Variants in KCND2 observed in about 807,000 individuals in gnomAD.
KCND2 encodes the protein A-type voltage-gated potassium channel KCND2.
KCND2 carries 16 observed loss-of-function variants against 54.4 expected under a neutral mutation model. The ratio of observed to expected loss-of-function variants is 0.29; its 90% CI spans 0.20 to 0.45. The LOEUF (loss-of-function observed/expected upper bound fraction) is 0.45, where lower values mean the gene tolerates loss of function less well. Ranked by LOEUF, KCND2 falls within the 20% of genes least tolerant of loss-of-function variation. The pLI, the probability that KCND2 is intolerant of heterozygous loss-of-function variation, is 1.00. For missense variants in KCND2, 486 were observed against 824.2 expected, an observed-to-expected ratio of 0.59 and a Z score of 5.02; for synonymous variants, 317 against 310.7, an observed-to-expected ratio of 1.02 and a Z score of -0.21.
In KCND2 at chr7:120,489,468, T is replaced by G. The variant is rs1490032542; in HGVS notation, c.1115+213721T>G. ...GTTAAGCCACAACTTCTAACTGAAA[T>G]AAAAGTCATCATAATATGCTCTAAA... On this transcript the variant is annotated intron_variant, in intron 1 of 5. Transcript: ENST00000331113. 2.0e-5 allele frequency among the ~76,000 whole-genome samples: 3 copies of G among 152,324 alleles called. No individual in the cohort carries two copies. In the East Asian group the frequency reaches 5.8e-4, roughly 29 times the overall value.
intron 1 of KCND2, among the ~76,000 whole-genome samples, chr7:120,304,190 G>C (rs1799620064): frequency 6.6e-6 from 1 of 152,062 alleles, no homozygotes; most frequent in Admixed American, 6.6e-5. Flanking sequence ...TTCTTTTTTA[G>C]CATGTCTTAT....
At chr7:120,445,582 TA>T (rs1316768972) in intron 1 of KCND2, among the ~76,000 whole-genome samples, 2 of 152,258 alleles carry the variant, frequency 1.3e-5, no homozygotes, top group East Asian at 3.9e-4. Flanking sequence ...TAAATTAATT[TA>T]AAACACTTTT....
intron 1 of KCND2, among the ~76,000 whole-genome samples, chr7:120,613,480 G>A (rs745533652): frequency 3.3e-5 from 5 of 152,146 alleles, no homozygotes; most frequent in Non-Finnish European, 5.9e-5. Context: ...GCTGTGGGCC[G>A]AGATTGCGCC....
intron 1 of KCND2, among the ~76,000 whole-genome samples, chr7:120,387,538 C>T (rs1247438075): frequency 6.6e-6 from 1 of 152,026 alleles, no homozygotes; most frequent in Admixed American, 6.6e-5. Context: ...CCTCATAGCT[C>T]TACCCCTGTG....
At chr7:120,649,392 A>G (rs558421215) in intron 1 of KCND2, among the ~76,000 whole-genome samples, 1 of 152,182 alleles carries the variant, frequency 6.6e-6, no homozygotes, top group Non-Finnish European at 1.5e-5. Context: ...TCAAAAGATA[A>G]ACAACAGAAG....
intron 1 of KCND2, among the ~76,000 whole-genome samples, chr7:120,608,675 G>A (rs554918029): frequency 2.6e-5 from 4 of 152,136 alleles, no homozygotes; most frequent in Admixed American, 6.6e-5. Context: ...CCAACCCTAC[G>A]AAGTGGCATG....
At chr7:120,723,952 A>G (rs998102223) in intron 1 of KCND2, among the ~76,000 whole-genome samples, 1 of 152,094 alleles carries the variant, frequency 6.6e-6, no homozygotes, top group Non-Finnish European at 1.5e-5. Context: ...TTGTCTAAGT[A>G]TTGGAGAGGA....
At chr7:120,730,157 G>A (rs936214566) in intron 1 of KCND2, among the ~76,000 whole-genome samples, 1 of 152,064 alleles carries the variant, frequency 6.6e-6, no homozygotes, top group African/African-American at 2.4e-5. Context: ...CTCAGTCCTT[G>A]TATTCTTTAG....
chr7:120,697,373 T>C (rs1360195614), intron 1 of KCND2, among the ~76,000 whole-genome samples: 1 of 152,182 alleles, frequency 6.6e-6, no homozygotes, highest in Non-Finnish European at 1.5e-5. Context: ...TATCTAGGTA[T>C]GTGAAGATTT....
At chr7:120,635,289 A>G (rs1341785762) in intron 1 of KCND2, among the ~76,000 whole-genome samples, 1 of 152,200 alleles carries the variant, frequency 6.6e-6, no homozygotes, top group East Asian at 1.9e-4. Flanking sequence ...TAACAATACT[A>G]AGCATTCAGT....
At chr7:120,421,340 A>G (rs1468937205) in intron 1 of KCND2, among the ~76,000 whole-genome samples, 1 of 152,218 alleles carries the variant, frequency 6.6e-6, no homozygotes, top group East Asian at 1.9e-4. Context: ...AAGGTCAGGC[A>G]ATTTACCTAG....
At chr7:120,747,434 T>G (rs189788985) in intron 5 of KCND2, among the ~76,000 whole-genome samples, 1 of 152,264 alleles carries the variant, frequency 6.6e-6, no homozygotes, top group East Asian at 1.9e-4. Flanking sequence ...CATTTTTTTA[T>G]AATACATTTA....
At chr7:120,412,549 C>T (rs1329675445) in intron 1 of KCND2, among the ~76,000 whole-genome samples, 1 of 151,978 alleles carries the variant, frequency 6.6e-6, no homozygotes, top group Non-Finnish European at 1.5e-5. Context: ...TCTTGTTCCT[C>T]CATATGTTTT....
At chr7:120,336,731 A>G (rs1563013853) in intron 1 of KCND2, among the ~76,000 whole-genome samples, 2 of 152,114 alleles carry the variant, frequency 1.3e-5, no homozygotes, top group South Asian at 4.1e-4. Flanking sequence ...AAAAAAAATC[A>G]CTTTTATGTG....
chr7:120,535,631 T>C (rs952087304), intron 1 of KCND2, among the ~76,000 whole-genome samples: 7 of 152,198 alleles, frequency 4.6e-5, no homozygotes, highest in Non-Finnish European at 1.0e-4. Flanking sequence ...CAAAGTACTA[T>C]TCACAACAGT....
chr7:120,463,572 GA>G (rs1802318448), intron 1 of KCND2, among the ~76,000 whole-genome samples: 1 of 151,904 alleles, frequency 6.6e-6, no homozygotes, highest in South Asian at 2.1e-4. Context: ...TTTGTATAGT[GA>G]AAACAAAATT....
At chr7:120,405,557 A>G (rs978756171) in intron 1 of KCND2, among the ~76,000 whole-genome samples, 2 of 152,182 alleles carry the variant, frequency 1.3e-5, no homozygotes, top group African/African-American at 4.8e-5. Context: ...ACACATTTCC[A>G]TGTATATTTC....
At chr7:120,390,787 A>T (rs1483554934) in intron 1 of KCND2, among the ~76,000 whole-genome samples, 1 of 151,988 alleles carries the variant, frequency 6.6e-6, no homozygotes, top group Admixed American at 6.6e-5. Flanking sequence ...TAAATTTAAA[A>T]TTTGTATGAA....
At chr7:120,437,759 ACTTGTT>A (rs1359901762) in intron 1 of KCND2, among the ~76,000 whole-genome samples, 1 of 152,200 alleles carries the variant, frequency 6.6e-6, no homozygotes, top group African/African-American at 2.4e-5. Context: ...TAGATTTGAA[ACTTGTT>A]CTTGTAGTAA....
Sources: allele counts gnomAD v4.1 joint callset (sites outside exome capture counted in the v4.1 genomes callset), GRCh38; gene constraint gnomAD v4.1.1; transcripts MANE v1.5; gene names NCBI Gene and HGNC (gene_info 2026-07-23, HGNC 2026-07-21).